Variants in QTGAL observed in about 807,000 individuals in gnomAD.
QTGAL encodes the protein queuosine-tRNA galactosyltransferase, also known as BGnT-like protein 1.
At chr17:82,968,237 G>A in the QTGAL span, among the ~76,000 whole-genome samples, 4 of 152,280 alleles carry the variant, frequency 2.6e-5, no homozygotes, top group South Asian at 4.1e-4. Flanking sequence ...GCAGCTCCAC[G>A]CACAGCAGCC....
the QTGAL span, among the ~76,000 whole-genome samples, chr17:82,994,525 A>T: frequency 6.6e-6 from 1 of 152,166 alleles, no homozygotes; most frequent in Non-Finnish European, 1.5e-5. Flanking sequence ...TAAATAGATC[A>T]ATAACAAGTA....
At chr17:83,006,688 G>A in the QTGAL span, 5 of 985,386 alleles carry the variant, frequency 5.1e-6, no homozygotes, top group African/African-American at 5.2e-5. The surrounding 1 kb of genome is among the most constrained non-coding windows in gnomAD (Gnocchi z 5.8). Context: ...GAACGTGCAG[G>A]AGGCGGCCTT....
the QTGAL span, among the ~76,000 whole-genome samples, chr17:82,985,054 C>A: frequency 2.0e-5 from 3 of 152,214 alleles, 1 homozygote; most frequent in Admixed American, 2.0e-4. Flanking sequence ...GAGATGCAGC[C>A]CCCTGGGGAA....
the QTGAL span, among the ~76,000 whole-genome samples, chr17:83,027,414 G>A: frequency 6.6e-6 from 1 of 152,198 alleles, no homozygotes. Context: ...GTCAAAACTA[G>A]AAGCTACCAG....
chr17:83,022,089 C>T, the QTGAL span, among the ~76,000 whole-genome samples: 1 of 152,190 alleles, frequency 6.6e-6, no homozygotes, highest in East Asian at 1.9e-4. Flanking sequence ...AAATAGAAGA[C>T]ATCCAAAAGA....
At chr17:82,957,535 A>T in the QTGAL span, 1 of 1,551,860 alleles carries the variant, frequency 6.4e-7, no homozygotes, top group East Asian at 2.4e-5. Flanking sequence ...CGGAGGCCCC[A>T]CAGATGCACA....
At chr17:83,047,131 G>A in the QTGAL span, among the ~76,000 whole-genome samples, 2 of 152,216 alleles carry the variant, frequency 1.3e-5, no homozygotes, top group African/African-American at 4.8e-5. Context: ...TCTGGAGCCT[G>A]GGAAATCCAA....
chr17:82,962,269 T>TTAACCTCCGC, the QTGAL span, among the ~76,000 whole-genome samples: 1 of 152,210 alleles, frequency 6.6e-6, no homozygotes, highest in Non-Finnish European at 1.5e-5. Context: ...AAGGCACTGT[T>TTAACCTCCGC]TAACCTCCGC....
the QTGAL span, among the ~76,000 whole-genome samples, chr17:82,971,332 C>T: frequency 1.3e-5 from 2 of 152,200 alleles, no homozygotes; most frequent in African/African-American, 4.8e-5. Flanking sequence ...GGGACACGGG[C>T]TCCGCCAGCT....
the QTGAL span, among the ~76,000 whole-genome samples, chr17:82,980,313 CCCA>C: frequency 6.6e-6 from 1 of 152,170 alleles, no homozygotes; most frequent in African/African-American, 2.4e-5. Context: ...CCTCTGCTCT[CCCA>C]CCACAATGTG....
At chr17:82,984,819 CACT>C in the QTGAL span, among the ~76,000 whole-genome samples, 1 of 152,150 alleles carries the variant, frequency 6.6e-6, no homozygotes, top group African/African-American at 2.4e-5. Context: ...CGCGTCACAC[CACT>C]GTCTGCCTTC....
the QTGAL span, among the ~76,000 whole-genome samples, chr17:83,002,881 C>A: frequency 2.1e-4 from 14 of 66,070 alleles, no homozygotes; most frequent in South Asian, 1.0e-3. Flanking sequence ...ATTCCTGAGC[C>A]CGCCCTCCGC....
chr17:83,041,202 G>A, the QTGAL span, among the ~76,000 whole-genome samples: 3 of 152,170 alleles, frequency 2.0e-5, no homozygotes, highest in East Asian at 5.8e-4. Context: ...ATCTGAAAAT[G>A]GAGACAAAGA....
At chr17:82,966,468 A>T in the QTGAL span, among the ~76,000 whole-genome samples, 12 of 152,238 alleles carry the variant, frequency 7.9e-5, no homozygotes, top group African/African-American at 2.9e-4. Flanking sequence ...GATTTACTAC[A>T]AAGCTATGGT....
chr17:82,974,252 G>A, the QTGAL span, among the ~76,000 whole-genome samples: 1 of 152,200 alleles, frequency 6.6e-6, no homozygotes, highest in Non-Finnish European at 1.5e-5. Context: ...TGGGGAACGC[G>A]TGCTGACTGA....
the QTGAL span, chr17:83,035,035 C>G: frequency 6.2e-7 from 1 of 1,602,148 alleles, no homozygotes; most frequent in Non-Finnish European, 8.5e-7. Flanking sequence ...AGTTACTTAC[C>G]GAATCCAAAA....
the QTGAL span, chr17:83,014,326 C>T: frequency 5.4e-5 from 54 of 995,254 alleles, 1 homozygote; most frequent in South Asian, 8.4e-4. Context: ...AGCCACAGAT[C>T]CCTCTCCGTG....
At chr17:82,951,748 T>C in the QTGAL span, among the ~76,000 whole-genome samples, 6 of 143,688 alleles carry the variant, frequency 4.2e-5, no homozygotes, top group Non-Finnish European at 7.4e-5. Context: ...GTGGGGTTAT[T>C]AGTTAACCTA....
chr17:82,943,916 TGA>T, the QTGAL span: 1 of 152,196 alleles, frequency 6.6e-6, no homozygotes, highest in African/African-American at 2.4e-5. Context: ...CTTGGCCACA[TGA>T]GTCCACACAG....
Sources: gnomAD v4.1 joint callset for allele counts (sites outside exome capture counted in the v4.1 genomes callset) on GRCh38, gnomAD v4.1.1 for gene constraint, Gnocchi (gnomAD v3.1) non-coding constraint, MANE v1.5 for transcripts, NCBI Gene and HGNC (gene_info 2026-07-23, HGNC 2026-07-21) for gene names.